SNX33: variants seen among roughly 807,000 people sequenced by gnomAD.
SNX33 encodes sorting nexin 33, also known as sorting nexin-33.
SNX33 carries 19 observed loss-of-function variants against 38.8 expected under a neutral mutation model. The ratio of observed to expected loss-of-function variants is 0.49; its 90% CI spans 0.34 to 0.72. The LOEUF (loss-of-function observed/expected upper bound fraction) is 0.72, where lower values mean the gene tolerates loss of function less well. Among genes scored for constraint, SNX33 ranks in the 30% least tolerant of loss-of-function variants. The pLI, the probability that SNX33 is intolerant of heterozygous loss-of-function variation, is 0.01. For missense variants in SNX33, 641 were observed against 776.4 expected (o/e 0.83, Z 2.07); for synonymous variants, 246 against 289.7 (o/e 0.85, Z 1.53).
intron 1 of SNX33, among the ~76,000 whole-genome samples, chr15:75,654,112 A>G (rs571862006): frequency 4.1e-4 from 62 of 151,900 alleles, no homozygotes; most frequent in African/African-American, 4.6e-4. Context: ...AAAAAAAAAA[A>G]AAAGAAAAGA....
Position 75,650,489 on chromosome 15 carries a change from A to T in SNX33, c.1387A>T (p.Asn463Tyr). Residue 463 changes from asparagine (N) to tyrosine (Y), a missense_variant, in exon 1 of 2, where the codon AAT (asparagine) becomes TAT (tyrosine). Transcript: ENST00000308527. This position sits in a 1 kb window ranked among gnomAD's most constrained non-coding sequence, Gnocchi z 6.1. ...IGEMFAEQPK[N>Y]DLFQMLDTLS... Reference sequence around the variant, plus strand: ...GGAGATGTTTGCTGAGCAGCCCAAGAATGACCTCTTCCAGATGCTGGACAC... The same window carrying T: ...GGAGATGTTTGCTGAGCAGCCCAAGTATGACCTCTTCCAGATGCTGGACAC... The T allele has an allele frequency of 6.2e-7, 1 of 1,614,068 alleles. No homozygotes were observed. The highest frequency in any genetic ancestry group is 8.5e-7 in the Non-Finnish European group (1 of 1,180,014).
At position 75,656,980 on chromosome 15, in the gene SNX33, A is replaced by G; in HGVS notation, c.1490A>G (p.Lys497Arg). The change falls in exon 2 of 2, where the codon AAG (lysine) becomes AGG (arginine). Residue 497 changes from lysine (K) to arginine (R), a missense_variant. Around this residue, in one of 2 missense-constraint regions of SNX33, gnomAD observed 398 missense variants for 542.5 expected, o/e 0.73. Coordinates refer to ENST00000308527, the MANE Select transcript of SNX33 (RefSeq NM_153271.2). ...ATGCCAGGCGCCTTCGCCAAGGTGA[A>G]GGAGAGCCAACGCATGAGTGACGAG... is the stretch of plus-strand genomic sequence containing the variant. ...HLQKGAFAKV[K>R]ESQRMSDEGR... is the part of the protein sequence containing the mutation. The G allele has an allele frequency of 6.2e-7, 1 of 1,613,360 alleles. No homozygotes were observed. The highest frequency in any genetic ancestry group is 1.1e-5 in the South Asian group (1 of 91,050).
In SNX33 at chr15:75,649,417, C is replaced by G; in HGVS notation, c.315C>G (p.Asn105Lys). The change falls in exon 1 of 2, where the codon AAC becomes AAG. Residue 105 changes from asparagine (N) to lysine (K), a missense_variant. By Grantham distance (94) the Asn-to-Lys change is moderately conservative. Transcript: ENST00000308527. This position sits in a 1 kb window ranked among gnomAD's most constrained non-coding sequence, Gnocchi z 6.6. ...RSGGGSGFLSNQGSFEEDDDD... is the reference protein window; with the variant it reads ...RSGGGSGFLSKQGSFEEDDDD... ...GTGGGGGCAGTGGCTTCCTCTCAAA[C>G]CAGGGTAGCTTTGAGGAGGATGATG... 3 of 1,539,758 alleles carry G rather than the reference C, an allele frequency of 1.9e-6. No homozygotes were observed. The highest frequency in any genetic ancestry group is 2.6e-6 in the Non-Finnish European group (3 of 1,140,780).
In SNX33 at chr15:75,657,191, C is replaced by G; in HGVS notation, c.1701C>G (p.Thr567=). ...YQRVGQQLEK[T]LRMYDNL is the part of the protein sequence containing the mutation. ...GGGTGGGCCAGCAGCTGGAGAAGAC[C>G]CTGCGCATGTATGACAACCTCTGAC... The change falls in exon 2 of 2, where the codon ACC becomes ACG. Residue 567 remains threonine, a synonymous_variant. Coordinates refer to ENST00000308527, the MANE Select transcript of SNX33 (RefSeq NM_153271.2). The surrounding 1 kb of genome is among the most constrained non-coding windows in gnomAD (Gnocchi z 5.5). 6.2e-7 allele frequency: 1 copy of G among 1,614,082 alleles called. No homozygotes were observed. The highest frequency in any genetic ancestry group is 8.5e-7 in the Non-Finnish European group (1 of 1,179,994).
rs1321308327 is a variant in SNX33, at chr15:75,657,523, T to G, written c.*308T>G. 2 of 457,878 alleles carry G rather than the reference T, an allele frequency of 4.4e-6. No individual in the cohort carries two copies. Among genetic ancestry groups the G allele is most frequent in the Non-Finnish European group, 8.0e-6 (2 of 248,966 alleles). The allele number at this position is 457,878 out of a possible 1,614,324, so 28.4% of individuals were successfully genotyped here. ...TCTCAGCCTCCCCTAGAGCCTATTT[T>G]GCTTGCTCACCTGGCCACTGCTGCC... On this transcript the variant is annotated 3_prime_UTR_variant, in exon 2 of 2. Coordinates refer to ENST00000308527, the MANE Select transcript of SNX33 (RefSeq NM_153271.2). This position sits in a 1 kb window ranked among gnomAD's most constrained non-coding sequence, Gnocchi z 5.5.
Position 75,658,537 on chromosome 15 carries a change from A to G in SNX33, c.*1322A>G, listed in dbSNP as rs1181005445. On this transcript the variant is annotated 3_prime_UTR_variant, in exon 2 of 2. Coordinates refer to ENST00000308527, the MANE Select transcript of SNX33 (RefSeq NM_153271.2). The surrounding 1 kb of genome is among the most constrained non-coding windows in gnomAD (Gnocchi z 4.1). ...TTGCTGTGGGGTGCTGACATGTGTC[A>G]CCACTGCCCCCCTTGCCCCCGGGGG... 1 of 152,584 alleles carries G rather than the reference A, an allele frequency of 6.6e-6. No homozygotes were observed. The highest frequency in any genetic ancestry group is 1.9e-4 in the East Asian group (1 of 5,190). The allele number at this position is 152,584 out of a possible 1,614,324, so 9.5% of individuals were successfully genotyped here.
intron 1 of SNX33, among the ~76,000 whole-genome samples, chr15:75,655,985 T>C (rs941182844): frequency 9.9e-5 from 15 of 152,232 alleles, no homozygotes; most frequent in Admixed American, 9.2e-4. Context: ...CTGAAATTCA[T>C]TCACCAGCTG....
At chr15:75,652,535 G>A (rs1330866856) in intron 1 of SNX33, among the ~76,000 whole-genome samples, 6 of 152,208 alleles carry the variant, frequency 3.9e-5, no homozygotes, top group Admixed American at 6.5e-5. Context: ...TCCCAGGCTG[G>A]GGGGAAGCCA....
rs1203996056 is a variant in SNX33, at chr15:75,657,198, A to G, written c.1708A>G (p.Met570Val). 1.9e-6 allele frequency: 3 copies of G among 1,613,952 alleles called. No individual in the cohort carries two copies. The highest frequency in any genetic ancestry group is 1.1e-5 in the South Asian group (1 of 91,090). ...VGQQLEKTLR[M>V]YDNL ...CCAGCAGCTGGAGAAGACCCTGCGC[A>G]TGTATGACAACCTCTGACCGCGTGT... is the stretch of plus-strand genomic sequence containing the variant. Residue 570 changes from methionine to valine, a missense_variant, in exon 2 of 2, where the codon ATG (methionine) becomes GTG (valine). By Grantham distance (21) the Met-to-Val change is conservative. Around this residue, in one of 2 missense-constraint regions of SNX33, gnomAD observed 398 missense variants for 542.5 expected, o/e 0.73. Coordinates refer to ENST00000308527, the MANE Select transcript of SNX33 (RefSeq NM_153271.2). The surrounding 1 kb of genome is among the most constrained non-coding windows in gnomAD (Gnocchi z 5.5).
Position 75,648,256 on chromosome 15 carries a change from G to A in SNX33, c.-847G>A, listed in dbSNP as rs1893522548. 1 of 985,428 alleles carries A rather than the reference G, an allele frequency of 1.0e-6. No homozygotes were observed. The allele number at this position is 985,428 out of a possible 1,614,324, so 61.0% of individuals were successfully genotyped here. On this transcript the variant is annotated 5_prime_UTR_variant, in exon 1 of 2. Coordinates refer to ENST00000308527, the MANE Select transcript of SNX33 (RefSeq NM_153271.2). The surrounding 1 kb of genome is among the most constrained non-coding windows in gnomAD (Gnocchi z 4.4). ...GCTGAGGAATTAGGCAAACAAAAGA[G>A]ACCACTCAGCGAGTGGCTAGAAGTC... is the stretch of plus-strand genomic sequence containing the variant.
In SNX33 at chr15:75,659,673, C is replaced by T. The variant is rs1596000950; in HGVS notation, c.*2458C>T. 6.6e-6 allele frequency: 1 copy of T among 152,664 alleles called. No homozygotes were observed. The highest frequency in any genetic ancestry group is 1.9e-4 in the East Asian group (1 of 5,188). The allele number at this position is 152,664 out of a possible 1,614,324, so 9.5% of individuals were successfully genotyped here. ...CCCATGGTGCCTGGAAAGTCCCCTG[C>T]TCATGCTTCCTGCTCTGGGAACAGT... On this transcript the variant is annotated 3_prime_UTR_variant, in exon 2 of 2. Transcript: ENST00000308527.
At chr15:75,652,657 T>G (rs943005893) in intron 1 of SNX33, among the ~76,000 whole-genome samples, 7 of 152,166 alleles carry the variant, frequency 4.6e-5, no homozygotes, top group Admixed American at 1.3e-4. Flanking sequence ...TGCTGGTGCA[T>G]TTGACCTGAA....
chr15:75,657,052 G>C lies in SNX33; in HGVS notation c.1562G>C (p.Arg521Pro). The C allele has an allele frequency of 6.2e-7, 1 of 1,614,144 alleles. No individual in the cohort carries two copies. Among genetic ancestry groups the C allele is most frequent in the Non-Finnish European group, 8.5e-7 (1 of 1,180,012 alleles). The change falls in exon 2 of 2, where the codon CGC becomes CCC. Residue 521 changes from arginine (R) to proline (P), a missense_variant. Coordinates refer to ENST00000308527, the MANE Select transcript of SNX33 (RefSeq NM_153271.2). This position sits in a 1 kb window ranked among gnomAD's most constrained non-coding sequence, Gnocchi z 5.5. ...GCAGACGGCATTCGCAGGCGCTGCC[G>C]CGTGGTGGGTTTCGCCCTGCAGGCC... ...DEADGIRRRCRVVGFALQAEM... is the reference protein window; with the variant it reads ...DEADGIRRRCPVVGFALQAEM...
chr15:75,656,102 G>A (rs957103298), intron 1 of SNX33, among the ~76,000 whole-genome samples: 2 of 152,144 alleles, frequency 1.3e-5, no homozygotes, highest in Admixed American at 1.3e-4. Flanking sequence ...TTCCCTGGGG[G>A]CTGGGATGAG....
intron 1 of SNX33, among the ~76,000 whole-genome samples, chr15:75,652,920 G>C (rs1010847856): frequency 8.5e-5 from 13 of 152,120 alleles, no homozygotes; most frequent in African/African-American, 2.2e-4. Flanking sequence ...AAGAACAGTT[G>C]GGTCCTGGGC....
In SNX33 at chr15:75,649,329, G is replaced by C. The variant is rs769238510; in HGVS notation, c.227G>C (p.Gly76Ala). Residue 76 changes from glycine to alanine, a missense_variant, in exon 1 of 2, where the codon GGC (glycine) becomes GCC (alanine). Transcript: ENST00000308527. This position sits in a 1 kb window ranked among gnomAD's most constrained non-coding sequence, Gnocchi z 6.6. ...GCTGACTACTCCAGCAGCCCTGCAG[G>C]CTCTCCCGGAGCCCAGGTGAGCTTG... Reference protein sequence around the residue: ...NHADYSSSPAGSPGAQVSLYN... With the variant: ...NHADYSSSPAASPGAQVSLYN... 1.1e-5 allele frequency: 18 copies of C among 1,588,438 alleles called. No individual in the cohort carries two copies. The Admixed American group carries it at 2.2e-4, about 20-fold the overall frequency.
Position 75,648,816 on chromosome 15 carries a change from A to AC in SNX33, c.-281dup, listed in dbSNP as rs1195229556. ...AGGAGTTAGGAGAGATTCCCCTCTA[A>AC]CCCCCCAGAGGCTGCTAAGGGAGGA... On this transcript the variant is annotated 5_prime_UTR_variant, in exon 1 of 2. Transcript: ENST00000308527. This position sits in a 1 kb window ranked among gnomAD's most constrained non-coding sequence, Gnocchi z 4.4. 5 of 319,872 alleles carry AC rather than the reference A, an allele frequency of 1.6e-5. No individual in the cohort carries two copies. The highest frequency in any genetic ancestry group is 2.8e-5 in the Non-Finnish European group (5 of 179,102). The allele number at this position is 319,872 out of a possible 1,614,324, so 19.8% of individuals were successfully genotyped here. A position where few individuals can be genotyped will look rare whatever the true frequency, so the allele number is the denominator to read the frequency against.
Position 75,650,275 on chromosome 15 carries a change from C to A in SNX33, c.1173C>A (p.Ser391Arg). The A allele has an allele frequency of 6.3e-7, 1 of 1,587,620 alleles. No individual in the cohort carries two copies. Among genetic ancestry groups the A allele is most frequent in the Non-Finnish European group, 8.6e-7 (1 of 1,164,748 alleles). ...CCTTCAGTAAGAAGATGGACGACAG[C>A]GTCCTGCAGCTCAGCACTGTGGCAT... ...FKAFSKKMDD[S>R]VLQLSTVASE... is the part of the protein sequence containing the mutation. Residue 391 changes from serine to arginine, a missense_variant, in exon 1 of 2, where the codon AGC (serine) becomes AGA (arginine). Ser to Arg is a moderately radical substitution (Grantham distance 110). Transcript: ENST00000308527. The surrounding 1 kb of genome is among the most constrained non-coding windows in gnomAD (Gnocchi z 6.1).
rs571762864 is a variant in SNX33 at position 75,654,791 on chromosome 15, C to T, written c.1472-2171C>T. Among the ~76,000 whole-genome samples, 10 of 152,276 alleles carry T rather than the reference C, an allele frequency of 6.6e-5. No individual in the cohort carries two copies. The South Asian group carries it at 2.1e-3, about 32-fold the overall frequency. ...CTCTGTTTCCCCCCGACCTCTGCAG[C>T]CTTTGCTCCCCATCCCTGGCCTCCT... On this transcript the variant is annotated intron_variant, in intron 1 of 1. Transcript: ENST00000308527.
Sources: allele counts gnomAD v4.1 joint callset (sites outside exome capture counted in the v4.1 genomes callset), GRCh38; gene constraint gnomAD v4.1.1; regional missense constraint gnomAD v4.1.1; non-coding constraint Gnocchi (gnomAD v3.1); transcripts MANE v1.5; gene names NCBI Gene and HGNC (gene_info 2026-07-23, HGNC 2026-07-21).